The following SLC1A7 variants were observed in gnomAD, a reference collection of about 807,000 sequenced individuals.
SLC1A7 encodes the protein solute carrier family 1 member 7.
Under a neutral mutation model 47.7 loss-of-function variants are expected in SLC1A7, and 40 were observed. The ratio of observed to expected loss-of-function variants is 0.84; its 90% CI spans 0.65 to 1.09. The LOEUF (loss-of-function observed/expected upper bound fraction) is 1.09. SLC1A7 is among the 50% of genes least tolerant of loss of function. The probability of loss-of-function intolerance (pLI) is 0.00; values close to 1 mark genes in which losing one functional copy is unlikely to be tolerated. For synonymous variants in SLC1A7, 323 were observed against 325.6 expected (o/e 0.99, Z 0.09); for missense variants, 746 against 769.5 (o/e 0.97, Z 0.36).
chr1:53,091,321 C>T (rs1009547806), intron 7 of SLC1A7, among the ~76,000 whole-genome samples: 2 of 152,212 alleles, frequency 1.3e-5, no homozygotes, highest in African/African-American at 4.8e-5. Flanking sequence ...TGAGAGTTCC[C>T]AGTGGCAGTG....
At chr1:53,114,427 TA>T (rs1387493529) in intron 3 of SLC1A7, 10 of 332,736 alleles carry the variant, frequency 3.0e-5, no homozygotes, top group Non-Finnish European at 5.6e-5. Context: ...TCCTCATCTG[TA>T]AAAAGAGGAC....
At chr1:53,115,871 T>A (rs899140441) in intron 2 of SLC1A7, 3 of 151,716 alleles carry the variant, frequency 2.0e-5, no homozygotes, top group African/African-American at 7.3e-5. Flanking sequence ...ACTGGCGTCC[T>A]GGAGCCCTGG....
intron 9 of SLC1A7, among the ~76,000 whole-genome samples, chr1:53,089,529 C>T (rs1296002305): frequency 6.6e-6 from 1 of 152,212 alleles, no homozygotes; most frequent in Non-Finnish European, 1.5e-5. Flanking sequence ...CCTGCCATGG[C>T]CTCTCAAAGT....
chr1:53,115,373 G>GTTTTTT, intron 2 of SLC1A7: 2 of 221,740 alleles, frequency 9.0e-6, no homozygotes, highest in East Asian at 2.2e-4. Context: ...GCCCAGCCAG[G>GTTTTTT]CAGGACCAAG....
intron 1 of SLC1A7, among the ~76,000 whole-genome samples, chr1:53,134,981 T>C (rs142505653): frequency 7.7e-4 from 117 of 151,874 alleles, no homozygotes; most frequent in African/African-American, 2.6e-3. Context: ...AGACCATCGG[T>C]AACTGAAATC....
intron 7 of SLC1A7, chr1:53,091,032 C>G: frequency 7.4e-7 from 1 of 1,359,610 alleles, no homozygotes; most frequent in Non-Finnish European, 9.8e-7. Flanking sequence ...AAGCTGACGC[C>G]CAGAGGGCGG....
chr1:53,117,245 G>A (rs1644772087), intron 2 of SLC1A7, among the ~76,000 whole-genome samples: 1 of 152,194 alleles, frequency 6.6e-6, no homozygotes, highest in Admixed American at 6.5e-5. Context: ...CCGAGCTCAG[G>A]TAATATCTGA....
rs562972772 is a variant in SLC1A7, at chr1:53,140,851, T to C, written c.135+1464A>G. Among the ~76,000 whole-genome samples the C allele has an allele frequency of 1.5e-3, 234 of 152,258 alleles. 2 individuals carry two copies. Among genetic ancestry groups the C allele is most frequent in the African/African-American group, 5.3e-3 (219 of 41,530 alleles). Reference sequence around the variant, plus strand: ...GTTCAGGGTTTCTCTGCCTCCAGAGTCCATGCTTCTTCCTAAATAACTGCT... The same window carrying C: ...GTTCAGGGTTTCTCTGCCTCCAGAGCCCATGCTTCTTCCTAAATAACTGCT... On this transcript the variant is annotated intron_variant, in intron 1 of 10. Coordinates refer to ENST00000371494, the MANE Select transcript of SLC1A7 (RefSeq NM_006671.6).
rs1195924649 is a variant in SLC1A7 at position 53,142,311 on chromosome 1, T to C, written c.135+4A>G. On this transcript the variant is annotated splice_donor_region_variant and intron_variant, in intron 1 of 10. Coordinates refer to ENST00000371494, the MANE Select transcript of SLC1A7 (RefSeq NM_006671.6). ...GGGGTCCCGAGATGCTCTGGGTGGC[T>C]GACCTGTGGTGAGAGGCGCCGGGTC... 1 of 1,555,070 alleles carries C rather than the reference T, an allele frequency of 6.4e-7. No homozygotes were observed. The highest frequency in any genetic ancestry group is 1.9e-5 in the Admixed American group (1 of 51,446).
At chr1:53,122,407 C>A (rs1644835655) in intron 2 of SLC1A7, among the ~76,000 whole-genome samples, 1 of 152,204 alleles carries the variant, frequency 6.6e-6, no homozygotes, top group Non-Finnish European at 1.5e-5. Context: ...GGAAGTCTAC[C>A]AGACAGGCCG....
At position 53,105,784 on chromosome 1, in the gene SLC1A7, GA is replaced by G; in HGVS notation, c.432-11del. Reference sequence around the variant, plus strand: ...GGCTGGGAACATGTTCCTAGGAAGAGAATCAGCAATTGAAAAATTCCAGAGC... The same window carrying G: ...GGCTGGGAACATGTTCCTAGGAAGAGATCAGCAATTGAAAAATTCCAGAGC... On this transcript the variant is annotated splice_polypyrimidine_tract_variant and intron_variant, in intron 3 of 10. Transcript: ENST00000371494. 1 of 1,612,850 alleles carries G rather than the reference GA, an allele frequency of 6.2e-7. No homozygotes were observed. Among genetic ancestry groups the G allele is most frequent in the Non-Finnish European group, 8.5e-7 (1 of 1,179,038 alleles).
At chr1:53,124,133 C>T (rs988160521) in intron 2 of SLC1A7, among the ~76,000 whole-genome samples, 1 of 152,184 alleles carries the variant, frequency 6.6e-6, no homozygotes, top group East Asian at 1.9e-4. Flanking sequence ...CACTAGAGTT[C>T]CTCAGGAAGG....
At chr1:53,136,618 A>AAAC (rs1645000136) in intron 1 of SLC1A7, among the ~76,000 whole-genome samples, 1 of 140,962 alleles carries the variant, frequency 7.1e-6, no homozygotes, top group African/African-American at 2.6e-5. Flanking sequence ...TATAATATAT[A>AAAC]TAAACATATA....
intron 2 of SLC1A7, among the ~76,000 whole-genome samples, chr1:53,117,287 AGAG>A (rs910853344): frequency 2.6e-5 from 4 of 152,208 alleles, no homozygotes; most frequent in African/African-American, 4.8e-5. Flanking sequence ...TAGAAGGGAT[AGAG>A]AAGATAGGCT....
rs754821494 is a variant in SLC1A7 at position 53,093,527 on chromosome 1, G to GC, written c.730dup (p.Ala244GlyfsTer12). 5.6e-6 allele frequency: 9 copies of GC among 1,608,830 alleles called. No individual in the cohort carries two copies. The highest frequency in any genetic ancestry group is 1.1e-5 in the South Asian group (1 of 90,672). ...GCACTGGCAGAAGCTGACCAGGGGGGCCCCGCTGTCACCCATGCGGCCCAG... is the reference window on the plus strand; with the variant it reads ...GCACTGGCAGAAGCTGACCAGGGGGGCCCCCGCTGTCACCCATGCGGCCCAG... On this transcript the variant is annotated frameshift_variant, in exon 6 of 11. Transcript: ENST00000371494. LOFTEE classifies it high-confidence loss of function.
Position 53,134,483 on chromosome 1 carries a change from G to A in SLC1A7, c.136-54C>T, listed in dbSNP as rs893273630. Reference sequence around the variant, plus strand: ...AGCAAGAGATGCAGACTGCACAGTGGTTCCGTTCTTCACAGTCTTTGAAGC... The same window carrying A: ...AGCAAGAGATGCAGACTGCACAGTGATTCCGTTCTTCACAGTCTTTGAAGC... On this transcript the variant is annotated intron_variant, in intron 1 of 10. Transcript: ENST00000371494. The A allele has an allele frequency of 1.0e-5, 12 of 1,196,462 alleles. No individual in the cohort carries two copies. In the African/African-American group the frequency reaches 1.6e-4, roughly 16 times the overall value. 74.1% of individuals were successfully genotyped at this position (1,196,462 alleles called of 1,614,324 possible). A position where few individuals can be genotyped will look rare whatever the true frequency, so the allele number is the denominator to read the frequency against.
At chr1:53,108,733 G>A in intron 3 of SLC1A7, 4 of 704,620 alleles carry the variant, frequency 5.7e-6, no homozygotes, top group Non-Finnish European at 7.9e-6. Flanking sequence ...ACACAGGAGG[G>A]CAGGGCCTGG....
Position 53,136,750 on chromosome 1 carries a change from TCCA to T in SLC1A7, c.136-2324_136-2322del, listed in dbSNP as rs202041212. Among the ~76,000 whole-genome samples, 793 of 148,462 alleles carry T rather than the reference TCCA, an allele frequency of 5.3e-3. 15 individuals are homozygous for T. In the East Asian group the frequency reaches 0.07, roughly 13 times the overall value. ...GGCATGATTTCAGCTCACTGCAACC[TCCA>T]CCTCCTGGGCTCAAGTAATCTTCAC... On this transcript the variant is annotated intron_variant, in intron 1 of 10. Transcript: ENST00000371494.
At chr1:53,135,402 A>G (rs903496227) in intron 1 of SLC1A7, among the ~76,000 whole-genome samples, 1 of 152,174 alleles carries the variant, frequency 6.6e-6, no homozygotes, top group Non-Finnish European at 1.5e-5. Context: ...TCCATTCTCT[A>G]GTGCTTCTCC....
Sources: allele counts gnomAD v4.1 joint callset (sites outside exome capture counted in the v4.1 genomes callset), GRCh38; gene constraint gnomAD v4.1.1; transcripts MANE v1.5; gene names NCBI Gene and HGNC (gene_info 2026-07-23, HGNC 2026-07-21).